Variants in EPHX1 observed in about 807,000 individuals in gnomAD.
EPHX1 encodes epoxide hydrolase 1.
Under a neutral mutation model 43.2 loss-of-function variants are expected in EPHX1, and 40 were observed. The observed-to-expected ratio is 0.93, with a 90% CI of 0.72 to 1.21. The LOEUF is 1.21. Ranked by LOEUF, EPHX1 falls within the 50% of genes most tolerant of loss-of-function variation. The pLI, the probability that EPHX1 is intolerant of heterozygous loss-of-function variation, is 0.00. For missense variants in EPHX1, 550 were observed against 570.4 expected, an observed-to-expected ratio of 0.96 and a Z score of 0.36; for synonymous variants, 221 against 226.7, an observed-to-expected ratio of 0.98 and a Z score of 0.22.
rs55743622 is a variant in EPHX1, at chr1:225,829,194, A to C, written c.183+282A>C. ...ACCTGTATCAAAGGTCACAGAAAGCAGCTGTCATCACCTCCTCTATGCCCT... is the reference window on the plus strand; with the variant it reads ...ACCTGTATCAAAGGTCACAGAAAGCCGCTGTCATCACCTCCTCTATGCCCT... On this transcript the variant is annotated intron_variant, in intron 2 of 8. Transcript: ENST00000272167. Among the ~76,000 whole-genome samples the C allele has an allele frequency of 2.0e-3, 309 of 152,266 alleles. 4 individuals carry two copies. The East Asian group carries it at 0.039, about 19-fold the overall frequency.
intron 2 of EPHX1, 109 bp downstream of exon 2, chr1:225,829,021 T>C: frequency 7.7e-7 from 1 of 1,294,786 alleles, no homozygotes; most frequent in Admixed American, 2.0e-5. Flanking sequence ...TTGGGAATGG[T>C]CCATCCTACT....
rs35800728 is a variant in EPHX1 at position 225,844,696 on chromosome 1, G to A, written c.1166+73G>A. Reference sequence around the variant, plus strand: ...GGGGACGGCCAGTCTTGGGCTCCACGAAGGGCACTTGGTGGTGGGATAAGT... The same window carrying A: ...GGGGACGGCCAGTCTTGGGCTCCACAAAGGGCACTTGGTGGTGGGATAAGT... On this transcript the variant is annotated intron_variant, in intron 8 of 8. Coordinates refer to ENST00000272167, the MANE Select transcript of EPHX1 (RefSeq NM_001136018.4). 135 of 1,596,486 alleles carry A rather than the reference G, an allele frequency of 8.5e-5. 2 individuals are homozygous for A. In the African/African-American group the frequency reaches 1.5e-3, roughly 18 times the overall value.
chr1:225,818,358 GT>G (rs1424979102), intron 1 of EPHX1, among the ~76,000 whole-genome samples: 1 of 152,188 alleles, frequency 6.6e-6, no homozygotes, highest in Non-Finnish European at 1.5e-5. Context: ...CCGTCCAGCT[GT>G]CAGTCACATA....
intron 3 of EPHX1, chr1:225,832,175 A>G (rs963208232): frequency 3.4e-6 from 2 of 586,486 alleles, no homozygotes; most frequent in Non-Finnish European, 6.1e-6. Flanking sequence ...CATACATGCA[A>G]TTTAAAAACC....
chr1:225,831,967 T>C lies in EPHX1; in HGVS notation c.364+8T>C, dbSNP rs1667630635. On this transcript the variant is annotated splice_region_variant and intron_variant, in intron 3 of 8. Coordinates refer to ENST00000272167, the MANE Select transcript of EPHX1 (RefSeq NM_001136018.4). ...TCAAGACTAAGATTGAAGGTATGTT[T>C]GCAAAACGCCAGCCAGAGAGGGATG... is the stretch of plus-strand genomic sequence containing the variant. 1 of 1,613,766 alleles carries C rather than the reference T, an allele frequency of 6.2e-7. No individual in the cohort carries two copies. The highest frequency in any genetic ancestry group is 8.5e-7 in the Non-Finnish European group (1 of 1,179,884).
At chr1:225,827,639 G>A (rs1011121330) in intron 1 of EPHX1, among the ~76,000 whole-genome samples, 2 of 152,188 alleles carry the variant, frequency 1.3e-5, no homozygotes, top group Non-Finnish European at 2.9e-5. Context: ...AGGACCTAAC[G>A]TGGAGGGCAG....
intron 7 of EPHX1, 74 bp from the exon 8 acceptor site, chr1:225,844,424 G>A (rs1668736154): frequency 6.2e-7 from 1 of 1,612,224 alleles, no homozygotes; most frequent in Non-Finnish European, 8.5e-7. Context: ...GGCATTTGTA[G>A]GACTTTCTGG....
chr1:225,810,715 G>C (rs1316997582), intron 1 of EPHX1: 1 of 147,222 alleles, frequency 6.8e-6, no homozygotes, highest in Non-Finnish European at 1.5e-5. Flanking sequence ...ATAGGATTTG[G>C]GTAGGTAAAG....
chr1:225,831,050 A>G (rs1350348910), intron 2 of EPHX1, among the ~76,000 whole-genome samples: 1 of 152,020 alleles, frequency 6.6e-6, no homozygotes, highest in East Asian at 1.9e-4. Context: ...ATGGCTGTCC[A>G]TAAATAAAGT....
intron 1 of EPHX1, among the ~76,000 whole-genome samples, chr1:225,827,025 T>C (rs1667281279): frequency 6.6e-6 from 1 of 152,176 alleles, no homozygotes; most frequent in South Asian, 2.1e-4. Flanking sequence ...CCTGGGTGGA[T>C]TTCTGTTTGG....
chr1:225,845,117 C>T (rs1258166302), intron 8 of EPHX1, 29 bp from the exon 9 acceptor site: 6 of 1,613,110 alleles, frequency 3.7e-6, no homozygotes, highest in Non-Finnish European at 4.2e-6. Context: ...GCCACAGCCT[C>T]ACCCCTCCGT....
chr1:225,825,804 A>G (rs1417421997), intron 1 of EPHX1, among the ~76,000 whole-genome samples: 1 of 152,152 alleles, frequency 6.6e-6, no homozygotes, highest in Non-Finnish European at 1.5e-5. Flanking sequence ...TGCCCAGTGA[A>G]GTGTGTTCAG....
intron 1 of EPHX1, among the ~76,000 whole-genome samples, chr1:225,825,807 G>A (rs994635589): frequency 3.3e-5 from 5 of 152,192 alleles, no homozygotes; most frequent in African/African-American, 1.2e-4. Context: ...CCAGTGAAGT[G>A]TGTTCAGCTG....
rs1240968829 is a variant in EPHX1, at chr1:225,817,111, A to G, written c.-6+6942A>G. Among the ~76,000 whole-genome samples, 1 of 151,776 alleles carries G rather than the reference A, an allele frequency of 6.6e-6. No individual in the cohort carries two copies. The highest frequency in any genetic ancestry group is 2.1e-4 in the South Asian group (1 of 4,820). ...CCCAGGGCTTGGCTCCGGCGCTTGCACAGAGATAAACACGGCCATTGGCCT... is the reference window on the plus strand; with the variant it reads ...CCCAGGGCTTGGCTCCGGCGCTTGCGCAGAGATAAACACGGCCATTGGCCT... On this transcript the variant is annotated intron_variant, in intron 1 of 8. Coordinates refer to ENST00000272167, the MANE Select transcript of EPHX1 (RefSeq NM_001136018.4). The surrounding 1 kb of genome is among the most constrained non-coding windows in gnomAD (Gnocchi z 5.7).
chr1:225,832,619 A>G (rs184276754), intron 3 of EPHX1, among the ~76,000 whole-genome samples: 345 of 152,252 alleles, frequency 2.3e-3, no homozygotes, highest in Non-Finnish European at 3.9e-3. Flanking sequence ...TTTCTGAGGA[A>G]CCGCCATACT....
Position 225,839,781 on chromosome 1 carries a change from T to A in EPHX1, c.723-48T>A. 3 of 1,588,640 alleles carry A rather than the reference T, an allele frequency of 1.9e-6. No homozygotes were observed. The East Asian group carries it at 6.7e-5, about 35-fold the overall frequency. On this transcript the variant is annotated intron_variant, in intron 5 of 8. Transcript: ENST00000272167. ...CTCCGCCATCTCTCCTCTCTCCCTG[T>A]CCTTGACACCAGCCCAGCCTCACCC... is the stretch of plus-strand genomic sequence containing the variant.
chr1:225,839,819 C>T lies in EPHX1; in HGVS notation c.723-10C>T, dbSNP rs368919117. The T allele has an allele frequency of 1.2e-6, 2 of 1,613,410 alleles. No individual in the cohort carries two copies. Among genetic ancestry groups the T allele is most frequent in the Non-Finnish European group, 1.7e-6 (2 of 1,179,864 alleles). On this transcript the variant is annotated splice_polypyrimidine_tract_variant and intron_variant, in intron 5 of 8. Transcript: ENST00000272167. Reference sequence around the variant, plus strand: ...CCCAGCCTCACCCCGGCCCCTCTCTCTGCCTTCAGCCACGTGAAAGGCCTG... The same window carrying T: ...CCCAGCCTCACCCCGGCCCCTCTCTTTGCCTTCAGCCACGTGAAAGGCCTG...
chr1:225,836,319 T>A (rs191481287), intron 3 of EPHX1, among the ~76,000 whole-genome samples: 40 of 152,230 alleles, frequency 2.6e-4, no homozygotes, highest in African/African-American at 8.9e-4. Context: ...CCTGGCCGGG[T>A]GTGGTGGCTC....
In EPHX1 at chr1:225,815,210, C is replaced by T. The variant is rs566257892; in HGVS notation, c.-6+5041C>T. Among the ~76,000 whole-genome samples, 5 of 90,958 alleles carry T rather than the reference C, an allele frequency of 5.5e-5. 2 individuals carry two copies. Among genetic ancestry groups the T allele is most frequent in the Non-Finnish European group, 1.4e-4 (5 of 35,628 alleles). The allele number at this position is 90,958 out of a possible 152,430, so 59.7% of individuals were successfully genotyped here. On this transcript the variant is annotated intron_variant, in intron 1 of 8. Transcript: ENST00000272167. ...AGACCCTACCAGGAAGGCTGCTATC[C>T]GGGTCATAGTGATACCCTGTCAGGA... is the stretch of plus-strand genomic sequence containing the variant.
Sources: allele counts gnomAD v4.1 joint callset (sites outside exome capture counted in the v4.1 genomes callset), GRCh38; gene constraint gnomAD v4.1.1; non-coding constraint Gnocchi (gnomAD v3.1); transcripts MANE v1.5; gene names NCBI Gene and HGNC (gene_info 2026-07-23, HGNC 2026-07-21).